The following ZBTB8A variants were observed in gnomAD, a reference collection of about 807,000 sequenced individuals.
The protein encoded by ZBTB8A is zinc finger and BTB domain-containing protein 8A.
ZBTB8A carries 19 observed loss-of-function variants against 37.8 expected under a neutral mutation model. The ratio of observed to expected loss-of-function variants is 0.50; its 90% CI spans 0.35 to 0.74. The LOEUF (loss-of-function observed/expected upper bound fraction) is 0.74, where lower values mean the gene tolerates loss of function less well. ZBTB8A is among the 30% of genes least tolerant of loss of function. The pLI is 0.01. For missense variants in ZBTB8A, 394 were observed against 537.8 expected (o/e 0.73, Z 2.65); for synonymous variants, 181 against 185.2 (o/e 0.98, Z 0.19).
At chr1:32,571,169 C>T (rs1644320182) in intron 2 of ZBTB8A, among the ~76,000 whole-genome samples, 1 of 152,246 alleles carries the variant, frequency 6.6e-6, no homozygotes, top group Non-Finnish European at 1.5e-5. Flanking sequence ...AGCCACCACA[C>T]CCGGCCTATG....
chr1:32,547,109 G>T (rs1162408860), intron 1 of ZBTB8A, among the ~76,000 whole-genome samples: 1 of 152,024 alleles, frequency 6.6e-6, no homozygotes, highest in Non-Finnish European at 1.5e-5. Context: ...TCGCCATGTT[G>T]CCCAGGCTGG....
rs759692498 is a variant in ZBTB8A at position 32,600,377 on chromosome 1, TGAA to T, written c.1297_1299del (p.Glu433del). ...TGGTCATCCAACAGGTTGATGATAG[TGAA>T]GAAGAAGAAGAAAAAGAAATTAAGC... On this transcript the variant is annotated inframe_deletion, in exon 5 of 5. Transcript: ENST00000373510. The T allele has an allele frequency of 5.5e-5, 89 of 1,612,812 alleles. No homozygotes were observed. The highest frequency in any genetic ancestry group is 4.0e-4 in the East Asian group (18 of 44,872).
chr1:32,557,561 C>T (rs956675224), intron 2 of ZBTB8A, among the ~76,000 whole-genome samples: 12 of 152,124 alleles, frequency 7.9e-5, no homozygotes, highest in Admixed American at 7.9e-4. Context: ...CTCCTGGGCT[C>T]AAGTGATCCT....
At chr1:32,562,988 C>A (rs1183182386) in intron 2 of ZBTB8A, among the ~76,000 whole-genome samples, 2 of 152,252 alleles carry the variant, frequency 1.3e-5, no homozygotes, top group African/African-American at 4.8e-5. Context: ...GAGTTATATA[C>A]TGCATTTGGG....
At position 32,595,057 on chromosome 1, in the gene ZBTB8A, A is replaced by G; in HGVS notation, c.827A>G (p.Asp276Gly). ...SDVTSKSFPD[D>G]LPRMRFKCPY... ...TAATCAAAGCGTCTCTTGACAGATG[A>G]TCTGCCTCGGATGCGATTCAAGTGC... is the stretch of plus-strand genomic sequence containing the variant. Residue 276 changes from aspartate (D) to glycine (G), a missense_variant, in exon 4 of 5, where the codon GAT (aspartate) becomes GGT (glycine). Coordinates refer to ENST00000373510, the MANE Select transcript of ZBTB8A (RefSeq NM_001040441.3). The G allele has an allele frequency of 1.2e-6, 2 of 1,613,248 alleles. No homozygotes were observed. The highest frequency in any genetic ancestry group is 1.7e-6 in the Non-Finnish European group (2 of 1,179,708).
chr1:32,594,805 A>G (rs775873289), intron 3 of ZBTB8A, among the ~76,000 whole-genome samples: 12 of 152,002 alleles, frequency 7.9e-5, no homozygotes, highest in Non-Finnish European at 1.6e-4. Flanking sequence ...AATTTACCCA[A>G]CTTTCTAAAT....
chr1:32,549,687 A>G (rs1157229420), intron 1 of ZBTB8A, among the ~76,000 whole-genome samples: 1 of 152,082 alleles, frequency 6.6e-6, no homozygotes, highest in African/African-American at 2.4e-5. Flanking sequence ...CTGGGAGTGC[A>G]CCACTGCACT....
chr1:32,557,231 G>C (rs1644210378), intron 2 of ZBTB8A, among the ~76,000 whole-genome samples: 1 of 152,272 alleles, frequency 6.6e-6, no homozygotes, highest in African/African-American at 2.4e-5. Flanking sequence ...GAACCTGGGA[G>C]GCAGAGGTTG....
chr1:32,570,949 C>T (rs1365788095), intron 2 of ZBTB8A, among the ~76,000 whole-genome samples: 1 of 151,656 alleles, frequency 6.6e-6, no homozygotes, highest in Non-Finnish European at 1.5e-5. Flanking sequence ...AATCTTGGCT[C>T]ACTGCAACCT....
At chr1:32,546,505 A>T (rs568565698) in intron 1 of ZBTB8A, among the ~76,000 whole-genome samples, 1 of 152,076 alleles carries the variant, frequency 6.6e-6, no homozygotes, top group South Asian at 2.1e-4. Context: ...AGAGCCAGAC[A>T]TGGTGGTACA....
At chr1:32,580,086 C>T (rs1644391779) in intron 2 of ZBTB8A, among the ~76,000 whole-genome samples, 1 of 152,064 alleles carries the variant, frequency 6.6e-6, no homozygotes, top group Non-Finnish European at 1.5e-5. Flanking sequence ...GGAGGCCGGG[C>T]ATGGTGGCTC....
intron 2 of ZBTB8A, among the ~76,000 whole-genome samples, chr1:32,587,250 C>G (rs367866505): frequency 6.6e-6 from 1 of 152,010 alleles, no homozygotes; most frequent in East Asian, 1.9e-4. Context: ...AGATAAATAG[C>G]CTCTAGATGA....
At chr1:32,550,228 AAT>A (rs1644141306) in intron 1 of ZBTB8A, among the ~76,000 whole-genome samples, 1 of 152,106 alleles carries the variant, frequency 6.6e-6, no homozygotes. Flanking sequence ...GATCAACTCT[AAT>A]ATCTGCTAGA....
At position 32,593,467 on chromosome 1, in the gene ZBTB8A, C is replaced by A. The variant is rs1192173455; in HGVS notation, c.536C>A (p.Ser179Tyr). 2 of 1,614,006 alleles carry A rather than the reference C, an allele frequency of 1.2e-6. No individual in the cohort carries two copies. Among genetic ancestry groups the A allele is most frequent in the Admixed American group, 1.7e-5 (1 of 60,004 alleles). ...EQGTGIISGKSWNKYNYHPAS... is the reference protein window; with the variant it reads ...EQGTGIISGKYWNKYNYHPAS... Reference sequence around the variant, plus strand: ...GGAACAGGTATAATAAGTGGAAAATCTTGGAATAAGTATAATTATCATCCA... The same window carrying A: ...GGAACAGGTATAATAAGTGGAAAATATTGGAATAAGTATAATTATCATCCA... Residue 179 changes from serine to tyrosine, a missense_variant, in exon 3 of 5, where the codon TCT (serine) becomes TAT (tyrosine). Ser to Tyr is a moderately radical substitution (Grantham distance 144). Coordinates refer to ENST00000373510, the MANE Select transcript of ZBTB8A (RefSeq NM_001040441.3).
intron 4 of ZBTB8A, among the ~76,000 whole-genome samples, chr1:32,595,439 G>A (rs1373290798): frequency 6.6e-6 from 1 of 151,762 alleles, no homozygotes; most frequent in Non-Finnish European, 1.5e-5. Context: ...GCTAATTTTT[G>A]TATTTTTAGT....
At chr1:32,600,022 C>T (rs946464837) in intron 4 of ZBTB8A, 65 bp from the exon 5 acceptor site, 2 of 1,318,808 alleles carry the variant, frequency 1.5e-6, no homozygotes, top group Non-Finnish European at 2.1e-6. Context: ...TGAACTGGTA[C>T]CTAAAATATC....
At chr1:32,547,439 G>A (rs1479420635) in intron 1 of ZBTB8A, among the ~76,000 whole-genome samples, 2 of 148,094 alleles carry the variant, frequency 1.4e-5, no homozygotes, top group African/African-American at 2.5e-5. Flanking sequence ...CTGCAGCCTC[G>A]AACTCCTGGG....
At chr1:32,574,726 G>A (rs867253403) in intron 2 of ZBTB8A, among the ~76,000 whole-genome samples, 10 of 152,280 alleles carry the variant, frequency 6.6e-5, no homozygotes, top group Non-Finnish European at 1.0e-4. Flanking sequence ...TGTAGAGTGT[G>A]CTGTAAATGT....
chr1:32,544,283 T>G (rs774394921), intron 1 of ZBTB8A, among the ~76,000 whole-genome samples: 3 of 152,262 alleles, frequency 2.0e-5, no homozygotes, highest in Non-Finnish European at 2.9e-5. Flanking sequence ...CTGGCTGATA[T>G]AGCCTACTAC....
Sources: gnomAD v4.1 joint callset for allele counts (sites outside exome capture counted in the v4.1 genomes callset) on GRCh38, gnomAD v4.1.1 for gene constraint, MANE v1.5 for transcripts, NCBI Gene and HGNC (gene_info 2026-07-23, HGNC 2026-07-21) for gene names.